ZNF239: variants seen among roughly 807,000 people sequenced by gnomAD.
ZNF239 encodes the protein zinc finger protein 239, also known as zinc finger protein (C2H2) homologous to mouse MOK-2.
In ZNF239, 16 loss-of-function variants were observed where a neutral mutation model predicts 27.5. That is an observed-to-expected ratio of 0.58 (90% CI 0.39 to 0.88). ZNF239 has a LOEUF of 0.88. Ranked by LOEUF, ZNF239 falls within the 40% of genes least tolerant of loss-of-function variation. The pLI is 0.00. For missense variants in ZNF239, 527 were observed against 551.9 expected (o/e 0.95, Z 0.45); for synonymous variants, 199 against 192.6 (o/e 1.03, Z -0.27).
chr10:43,566,651 C>T (rs1455233651), intron 3 of ZNF239, among the ~76,000 whole-genome samples: 1 of 152,140 alleles, frequency 6.6e-6, no homozygotes, highest in African/African-American at 2.4e-5. Flanking sequence ...TATGGTTCAA[C>T]CTAGTAGGTA....
chr10:43,558,207 G>A, intron 3 of ZNF239, 36 bp from the exon 4 acceptor site: 1 of 1,450,860 alleles, frequency 6.9e-7, no homozygotes, highest in Non-Finnish European at 9.1e-7. Context: ...TAAGAACAAA[G>A]GGTAGACTTC....
chr10:43,563,047 G>A (rs1837376909), intron 3 of ZNF239, among the ~76,000 whole-genome samples: 1 of 152,170 alleles, frequency 6.6e-6, no homozygotes, highest in African/African-American at 2.4e-5. Context: ...GGGCACGGTG[G>A]CTCATGCCTG....
chr10:43,558,060 C>G lies in ZNF239; in HGVS notation c.20G>C (p.Gly7Ala). The change falls in exon 4 of 4, where the codon GGA becomes GCA. Residue 7 changes from glycine to alanine, a missense_variant. Gly to Ala is a moderately conservative substitution (Grantham distance 60). Transcript: ENST00000374446. MASTIT[G>A]SQDCIVNHRG... ...ATGATTCACAATACAATCCTGACTT[C>G]CAGTAATTGTACTGGCCATGCCTTC... 6.2e-7 allele frequency: 1 copy of G among 1,613,722 alleles called. No homozygotes were observed. The highest frequency in any genetic ancestry group is 8.5e-7 in the Non-Finnish European group (1 of 1,179,804).
intron 3 of ZNF239, 70 bp from the exon 4 acceptor site, chr10:43,558,241 A>G: frequency 1.4e-6 from 2 of 1,379,590 alleles, no homozygotes; most frequent in Middle Eastern, 2.0e-4. Context: ...GAGAGTGCCT[A>G]AGGCCTGAAG....
At chr10:43,570,933 G>C (rs971483424) in intron 2 of ZNF239, 2 of 985,046 alleles carry the variant, frequency 2.0e-6, no homozygotes, top group African/African-American at 3.5e-5. Flanking sequence ...AAAATGACAG[G>C]AGTAGACCAA....
chr10:43,561,288 G>T (rs1440510034), intron 3 of ZNF239, among the ~76,000 whole-genome samples: 1 of 151,926 alleles, frequency 6.6e-6, no homozygotes, highest in East Asian at 1.9e-4. Context: ...TATGTAAAAA[G>T]ACCCCAAACT....
intron 3 of ZNF239, among the ~76,000 whole-genome samples, chr10:43,564,001 C>T (rs192728769): frequency 5.9e-4 from 90 of 152,246 alleles, no homozygotes; most frequent in Middle Eastern, 3.4e-3. Context: ...GCCTTCAACG[C>T]CATAACTGAG....
chr10:43,560,946 A>C (rs1837201456), intron 3 of ZNF239, among the ~76,000 whole-genome samples: 1 of 152,212 alleles, frequency 6.6e-6, no homozygotes. Context: ...TGCTATGAAA[A>C]ATAATAATTC....
intron 3 of ZNF239, among the ~76,000 whole-genome samples, chr10:43,562,110 T>A (rs1396349688): frequency 6.6e-6 from 1 of 151,954 alleles, no homozygotes; most frequent in East Asian, 1.9e-4. Flanking sequence ...TTTGGGGAGG[T>A]AATATAAAAA....
In ZNF239 at chr10:43,571,087, C is replaced by T. The variant is rs1411776427; in HGVS notation, c.-216+2550G>A. ...GTGGCACTAAGGAGTCACTCCAAGG[C>T]TGTGCTCCTGCTTACAGTTGGGAGA... is the stretch of plus-strand genomic sequence containing the variant. On this transcript the variant is annotated intron_variant, in intron 2 of 3. Transcript: ENST00000374446. The T allele has an allele frequency of 4.6e-6, 4 of 863,330 alleles. No homozygotes were observed. The African/African-American group carries it at 5.5e-5, about 12-fold the overall frequency. The allele number at this position is 863,330 out of a possible 1,614,324, so 53.5% of individuals were successfully genotyped here.
chr10:43,563,896 C>T (rs1488224427), intron 3 of ZNF239, among the ~76,000 whole-genome samples: 5 of 152,184 alleles, frequency 3.3e-5, no homozygotes, highest in East Asian at 1.9e-4. Context: ...TGGGCTCAAG[C>T]GATTCTCCCA....
chr10:43,556,637 T>G lies in ZNF239; in HGVS notation c.*66A>C. 6.5e-7 allele frequency: 1 copy of G among 1,527,006 alleles called. No individual in the cohort carries two copies. The highest frequency in any genetic ancestry group is 8.8e-7 in the Non-Finnish European group (1 of 1,132,710). The allele number at this position is 1,527,006 out of a possible 1,614,324, so 94.6% of individuals were successfully genotyped here. ...TCCTTTGTAGAATATAAAGTAAGAG[T>G]GATACTAAATATTTAACAGTTTTTA... On this transcript the variant is annotated 3_prime_UTR_variant, in exon 4 of 4. Transcript: ENST00000374446.
rs1837946824 is a variant in ZNF239 at position 43,570,254 on chromosome 10, G to A, written c.-215-2233C>T. ...CTGTCTCCCAAGCTTTCTGTTCAAGGTCACTGGTCTCCATTCTGAGGAAGA... is the reference window on the plus strand; with the variant it reads ...CTGTCTCCCAAGCTTTCTGTTCAAGATCACTGGTCTCCATTCTGAGGAAGA... On this transcript the variant is annotated intron_variant, in intron 2 of 3. Transcript: ENST00000374446. 1.2e-5 allele frequency: 12 copies of A among 985,130 alleles called. No individual in the cohort carries two copies. In the South Asian group the frequency reaches 5.2e-4, roughly 42 times the overall value. The allele number at this position is 985,130 out of a possible 1,614,324, so 61.0% of individuals were successfully genotyped here. A position where few individuals can be genotyped will look rare whatever the true frequency, so the allele number is the denominator to read the frequency against.
intron 3 of ZNF239, among the ~76,000 whole-genome samples, chr10:43,563,265 G>A (rs182513073): frequency 5.9e-5 from 9 of 152,084 alleles, no homozygotes; most frequent in Non-Finnish European, 7.4e-5. Context: ...ACAGTGAGCC[G>A]AGATTGTGCC....
intron 3 of ZNF239, among the ~76,000 whole-genome samples, chr10:43,565,347 G>A (rs1837557314): frequency 6.6e-6 from 1 of 152,128 alleles, no homozygotes; most frequent in Non-Finnish European, 1.5e-5. Context: ...GCCTCCCAAA[G>A]TGCTGGGATT....
rs755046154 is a variant in ZNF239 at position 43,557,325 on chromosome 10, A to G, written c.755T>C (p.Ile252Thr). The G allele has an allele frequency of 6.2e-7, 1 of 1,614,160 alleles. No individual in the cohort carries two copies. Among genetic ancestry groups the G allele is most frequent in the South Asian group, 1.1e-5 (1 of 91,082 alleles). ...KGFTRSSSLL[I>T]HQAVHTDEKP... ...CTCATCTGTGTGGACTGCCTGATGG[A>G]TAAGCAGACTCGAGCTCCTTGTGAA... Residue 252 changes from isoleucine to threonine, a missense_variant, in exon 4 of 4, where the codon ATC (isoleucine) becomes ACC (threonine). Ile to Thr is a moderately conservative substitution (Grantham distance 89). Transcript: ENST00000374446.
intron 3 of ZNF239, among the ~76,000 whole-genome samples, chr10:43,559,041 C>CA (rs373879221): frequency 3.9e-4 from 59 of 151,244 alleles, no homozygotes; most frequent in African/African-American, 1.2e-3. Flanking sequence ...AAAAAACAAA[C>CA]AAAAAAAAGG....
chr10:43,557,199 T>C lies in ZNF239; in HGVS notation c.881A>G (p.Asp294Gly), dbSNP rs755988733. Residue 294 changes from aspartate (D) to glycine (G), a missense_variant, in exon 4 of 4, where the codon GAC (aspartate) becomes GGC (glycine). Coordinates refer to ENST00000374446, the MANE Select transcript of ZNF239 (RefSeq NM_001099282.2). ...CTGACTAAAGCCCTTCCCACACTTG[T>C]CACATTTATAAGGTTTTTCGCCTGT... ...VHTGEKPYKC[D>G]KCGKGFSQSS... The C allele has an allele frequency of 5.0e-6, 8 of 1,613,832 alleles. No individual in the cohort carries two copies. In the Admixed American group the frequency reaches 8.3e-5, roughly 17 times the overall value.
intron 2 of ZNF239, chr10:43,570,464 T>A (rs557102914): frequency 1.5e-5 from 15 of 985,112 alleles, no homozygotes; most frequent in East Asian, 2.3e-4. Flanking sequence ...GAAAAAAAAA[T>A]TTCTTTCTGT....
Sources: gnomAD v4.1 joint callset for allele counts (sites outside exome capture counted in the v4.1 genomes callset) on GRCh38, gnomAD v4.1.1 for gene constraint, MANE v1.5 for transcripts, NCBI Gene and HGNC (gene_info 2026-07-23, HGNC 2026-07-21) for gene names.